LIN7A: variants seen among roughly 807,000 people sequenced by gnomAD.
LIN7A encodes the protein lin-7 cell polarity scaffold A.
Under a neutral mutation model 29.8 loss-of-function variants are expected in LIN7A, and 25 were observed. That is an observed-to-expected ratio of 0.84 (90% CI 0.61 to 1.17). The LOEUF is 1.17. Ranked by LOEUF, LIN7A falls within the 50% of genes most tolerant of loss-of-function variation. LIN7A has a pLI of 0.00. For synonymous variants in LIN7A, 118 were observed against 107.5 expected (o/e 1.10, Z -0.60); for missense variants, 239 against 287.0 (o/e 0.83, Z 1.21).
intron 2 of LIN7A, among the ~76,000 whole-genome samples, chr12:80,864,897 A>C (rs1266467351): frequency 6.6e-6 from 1 of 152,144 alleles, no homozygotes; most frequent in African/African-American, 2.4e-5. Flanking sequence ...TAAAAATCTA[A>C]GTTAGTTTGT....
chr12:80,845,597 C>A, intron 4 of LIN7A, 133 bp downstream of exon 4: 1 of 644,318 alleles, frequency 1.6e-6, no homozygotes, highest in Admixed American at 3.3e-5. Context: ...TAATATCCAT[C>A]AATGCTTAGA....
intron 2 of LIN7A, among the ~76,000 whole-genome samples, chr12:80,850,695 C>T (rs1229101288): frequency 6.6e-6 from 1 of 152,116 alleles, no homozygotes; most frequent in Non-Finnish European, 1.5e-5. Flanking sequence ...GTCAATAGGG[C>T]TGAGATTGAG....
chr12:80,910,068 A>T (rs896757707), intron 1 of LIN7A, among the ~76,000 whole-genome samples: 5 of 152,128 alleles, frequency 3.3e-5, no homozygotes, highest in Non-Finnish European at 7.4e-5. Flanking sequence ...TTCTGTCAAC[A>T]ATGTTTTGTA....
At chr12:80,889,504 T>C (rs1875516289) in intron 1 of LIN7A, 135 bp from the exon 2 acceptor site, 1 of 612,962 alleles carries the variant, frequency 1.6e-6, no homozygotes, top group Non-Finnish European at 2.9e-6. Flanking sequence ...CTTATATTCA[T>C]AGCTTTTTGG....
At chr12:80,844,862 A>G (rs1872986382) in intron 4 of LIN7A, among the ~76,000 whole-genome samples, 2 of 152,186 alleles carry the variant, frequency 1.3e-5, no homozygotes, top group Admixed American at 1.3e-4. Flanking sequence ...GAAAGCATAT[A>G]TTATGAATAG....
intron 1 of LIN7A, among the ~76,000 whole-genome samples, chr12:80,930,780 C>T (rs1877855783): frequency 2.6e-5 from 4 of 152,150 alleles, no homozygotes; most frequent in Admixed American, 2.6e-4. Context: ...AAGTGACATC[C>T]TAAGGTAGCC....
chr12:80,908,697 G>C (rs999238124), intron 1 of LIN7A, among the ~76,000 whole-genome samples: 1 of 152,002 alleles, frequency 6.6e-6, no homozygotes, highest in Non-Finnish European at 1.5e-5. Flanking sequence ...CTAATAGAAT[G>C]ATCTCAGTGT....
chr12:80,869,153 T>C (rs200249052), intron 2 of LIN7A, among the ~76,000 whole-genome samples: 3 of 115,982 alleles, frequency 2.6e-5, no homozygotes, highest in African/African-American at 1.2e-4. Flanking sequence ...TAAATAAATA[T>C]ATATATATAT....
intron 4 of LIN7A, among the ~76,000 whole-genome samples, chr12:80,820,775 G>A (rs1871765660): frequency 6.6e-6 from 1 of 152,104 alleles, no homozygotes; most frequent in African/African-American, 2.4e-5. Context: ...TTGAGTGGTG[G>A]GTTTCACCCA....
intron 5 of LIN7A, among the ~76,000 whole-genome samples, chr12:80,807,072 T>TGTTTTTTTTTTTTTG (rs777411417): frequency 5.0e-5 from 6 of 120,260 alleles, no homozygotes; most frequent in South Asian, 2.7e-4. Flanking sequence ...AGTTTTTTTT[T>TGTTTTTTTTTTTTTG]TTTTTTTTTT....
intron 5 of LIN7A, among the ~76,000 whole-genome samples, chr12:80,806,819 A>C (rs1871013504): frequency 1.3e-5 from 2 of 152,336 alleles, no homozygotes; most frequent in South Asian, 4.1e-4. Context: ...AAGTCACCAT[A>C]AAATCCATGA....
At chr12:80,816,277 G>A (rs1429922751) in intron 4 of LIN7A, among the ~76,000 whole-genome samples, 1 of 151,974 alleles carries the variant, frequency 6.6e-6, no homozygotes, top group Non-Finnish European at 1.5e-5. Flanking sequence ...TGGGGCGAGT[G>A]GCATGTGTCT....
At chr12:80,887,598 A>G (rs184720549) in intron 2 of LIN7A, among the ~76,000 whole-genome samples, 252 of 152,182 alleles carry the variant, frequency 1.7e-3, no homozygotes, top group African/African-American at 5.6e-3. Context: ...CTGTTCCATT[A>G]CTTAATTAGC....
chr12:80,922,217 C>G (rs1203038015), intron 1 of LIN7A, among the ~76,000 whole-genome samples: 3 of 152,096 alleles, frequency 2.0e-5, no homozygotes, highest in Non-Finnish European at 4.4e-5. Flanking sequence ...TTACTTGGTC[C>G]ACTTAAAATC....
chr12:80,873,509 G>A (rs1162152014), intron 2 of LIN7A, among the ~76,000 whole-genome samples: 1 of 150,848 alleles, frequency 6.6e-6, no homozygotes, highest in Non-Finnish European at 1.5e-5. Context: ...CTCCAGCCTG[G>A]GCAATAGAGC....
chr12:80,916,267 C>A (rs1477016680), intron 1 of LIN7A, among the ~76,000 whole-genome samples: 1 of 152,148 alleles, frequency 6.6e-6, no homozygotes, highest in Non-Finnish European at 1.5e-5. Flanking sequence ...CACAAAATCC[C>A]TCCTGTGGCT....
At chr12:80,934,406 G>A (rs1482989431) in intron 1 of LIN7A, among the ~76,000 whole-genome samples, 1 of 152,126 alleles carries the variant, frequency 6.6e-6, no homozygotes, top group Non-Finnish European at 1.5e-5. Context: ...AGATCAAAAA[G>A]AGTTTTGGAT....
chr12:80,878,884 T>G (rs1039665697), intron 2 of LIN7A, among the ~76,000 whole-genome samples: 4 of 152,206 alleles, frequency 2.6e-5, no homozygotes, highest in Non-Finnish European at 4.4e-5. Flanking sequence ...CAATCCTAGC[T>G]ACAGAGCACT....
intron 2 of LIN7A, among the ~76,000 whole-genome samples, chr12:80,860,644 A>G (rs1259686429): frequency 6.6e-6 from 1 of 152,222 alleles, no homozygotes; most frequent in African/African-American, 2.4e-5. Context: ...AGAACCCAGA[A>G]CAACAGGATA....
Sources: gnomAD v4.1 joint callset for allele counts (sites outside exome capture counted in the v4.1 genomes callset) on GRCh38, gnomAD v4.1.1 for gene constraint, MANE v1.5 for transcripts, NCBI Gene and HGNC (gene_info 2026-07-23, HGNC 2026-07-21) for gene names.